ACE: variants seen among roughly 807,000 people sequenced by gnomAD.
ACE encodes angiotensin I converting enzyme.
Under a neutral mutation model 162.3 loss-of-function variants are expected in ACE, and 122 were observed. The ratio of observed to expected loss-of-function variants is 0.75; its 90% CI spans 0.65 to 0.87. The LOEUF is 0.87. Among genes scored for constraint, ACE ranks in the 40% least tolerant of loss-of-function variants. The pLI, the probability that ACE is intolerant of heterozygous loss-of-function variation, is 0.00. For missense variants in ACE, 1,799 were observed against 1,735.1 expected, an observed-to-expected ratio of 1.04 and a Z score of -0.65; for synonymous variants, 796 against 720.6, an observed-to-expected ratio of 1.10 and a Z score of -1.68.
At chr17:63,496,055 T>C in intron 22 of ACE, 2 of 383,822 alleles carry the variant, frequency 5.2e-6, no homozygotes, top group Non-Finnish European at 5.0e-6. Flanking sequence ...TCTACTTGCA[T>C]ATACCCCAGG....
chr17:63,495,753 C>T (rs752048327), intron 22 of ACE, among the ~76,000 whole-genome samples: 10 of 152,206 alleles, frequency 6.6e-5, no homozygotes, highest in Admixed American at 2.6e-4. Context: ...GACTTGGCTG[C>T]TCTAGAAAAA....
chr17:63,486,690 C>T lies in ACE; in HGVS notation c.2192C>T (p.Ala731Val), dbSNP rs1374995262. Residue 731 changes from alanine (A) to valine (V), a missense_variant, in exon 14 of 25, where the codon GCA (alanine) becomes GTA (valine). Physicochemically the swap from Ala to Val is moderately conservative, Grantham distance 64. Transcript: ENST00000290866. ...IKKVQDLERA[A>V]LPAQELEEYN... ...AAGGTTCAGGACCTAGAACGGGCAGCACTGCCTGCCCAGGAGCTGGAGGAG... is the reference window on the plus strand; with the variant it reads ...AAGGTTCAGGACCTAGAACGGGCAGTACTGCCTGCCCAGGAGCTGGAGGAG... 1.3e-5 allele frequency: 21 copies of T among 1,614,110 alleles called. No homozygotes were observed. The African/African-American group carries it at 1.6e-4, about 12-fold the overall frequency.
intron 2 of ACE, 129 bp from the exon 3 acceptor site, chr17:63,478,878 T>C: frequency 1.3e-6 from 1 of 751,790 alleles, no homozygotes; most frequent in Non-Finnish European, 2.3e-6. Flanking sequence ...TGATCAGAAG[T>C]GCCCCGGTGC....
chr17:63,484,755 G>A lies in ACE; in HGVS notation c.1921+214G>A, dbSNP rs2029864292. The A allele has an allele frequency of 1.4e-6, 2 of 1,469,342 alleles. No homozygotes were observed. Among genetic ancestry groups the A allele is most frequent in the Non-Finnish European group, 1.8e-6 (2 of 1,113,108 alleles). 91.0% of individuals were successfully genotyped at this position (1,469,342 alleles called of 1,614,324 possible). On this transcript the variant is annotated intron_variant, in intron 12 of 24. Coordinates refer to ENST00000290866, the MANE Select transcript of ACE (RefSeq NM_000789.4). The surrounding 1 kb of genome is among the most constrained non-coding windows in gnomAD (Gnocchi z 4.0). ...CTAGAGAGGGTGTGCTCAGACCTGA[G>A]GGCCCCTCCCCTTCCAGAGGAAGCC...
chr17:63,478,981 A>G, intron 2 of ACE, 26 bp from the exon 3 acceptor site: 1 of 1,597,080 alleles, frequency 6.3e-7, no homozygotes, highest in Non-Finnish European at 8.6e-7. Flanking sequence ...TGGTCACTGG[A>G]GCATTCCTCC....
chr17:63,479,025 A>C lies in ACE; in HGVS notation c.436A>C (p.Asn146His). The change falls in exon 3 of 25, where the codon AAC becomes CAC. Residue 146 changes from asparagine (N) to histidine (H), a missense_variant. Asn to His is a moderately conservative substitution (Grantham distance 68). Coordinates refer to ENST00000290866, the MANE Select transcript of ACE (RefSeq NM_000789.4). ...TCCCCAGTACAACGCCCTGCTAAGC[A>C]ACATGAGCAGGATCTACTCCACCGC... ...KRQQYNALLS[N>H]MSRIYSTAKV... 1 of 1,613,608 alleles carries C rather than the reference A, an allele frequency of 6.2e-7. No individual in the cohort carries two copies. Among genetic ancestry groups the C allele is most frequent in the Non-Finnish European group, 8.5e-7 (1 of 1,179,850 alleles).
At position 63,479,784 on chromosome 17, in the gene ACE, T is replaced by C. The variant is rs755647501; in HGVS notation, c.527T>C (p.Leu176Pro). ...TGTGTCTCAGATCTCACCAACATCC[T>C]GGCTTCCTCGCGAAGCTACGCCATG... Reference protein sequence around the residue: ...WSLDPDLTNILASSRSYAMLL... With the variant: ...WSLDPDLTNIPASSRSYAMLL... Residue 176 changes from leucine (L) to proline (P), a missense_variant, in exon 4 of 25, where the codon CTG becomes CCG. Leu to Pro is a moderately conservative substitution (Grantham distance 98, BLOSUM62 -3). Transcript: ENST00000290866. 1 of 1,613,390 alleles carries C rather than the reference T, an allele frequency of 6.2e-7. No individual in the cohort carries two copies. The highest frequency in any genetic ancestry group is 1.1e-5 in the South Asian group (1 of 91,092).
Position 63,484,439 on chromosome 17 carries a change from A to C in ACE, c.1819A>C (p.Thr607Pro). The change falls in exon 12 of 25, where the codon ACC (threonine) becomes CCC (proline). Residue 607 changes from threonine to proline, a missense_variant. Thr to Pro is a conservative substitution (Grantham distance 38). Coordinates refer to ENST00000290866, the MANE Select transcript of ACE (RefSeq NM_000789.4). This position sits in a 1 kb window ranked among gnomAD's most constrained non-coding sequence, Gnocchi z 4.0. ...GCTGCTCAAGTACTTCCAGCCAGTC[A>C]CCCAGTGGCTGCAGGAGCAGAACCA... ...QPLLKYFQPVTQWLQEQNQQN... is the reference protein window; with the variant it reads ...QPLLKYFQPVPQWLQEQNQQN... 1 of 1,612,504 alleles carries C rather than the reference A, an allele frequency of 6.2e-7. No homozygotes were observed. Among genetic ancestry groups the C allele is most frequent in the Non-Finnish European group, 8.5e-7 (1 of 1,179,934 alleles).
At position 63,484,627 on chromosome 17, in the gene ACE, C is replaced by T; in HGVS notation, c.1921+86C>T. 6.7e-7 allele frequency: 1 copy of T among 1,492,606 alleles called. No homozygotes were observed. The highest frequency in any genetic ancestry group is 9.0e-7 in the Non-Finnish European group (1 of 1,113,458). 92.5% of individuals were successfully genotyped at this position (1,492,606 alleles called of 1,614,324 possible). Reference sequence around the variant, plus strand: ...CAGGCCCCAGGTTCCTGGTCAGCTCCTACCAGCTGAGCCCTGGTACCCTGT... The same window carrying T: ...CAGGCCCCAGGTTCCTGGTCAGCTCTTACCAGCTGAGCCCTGGTACCCTGT... On this transcript the variant is annotated intron_variant, in intron 12 of 24. Coordinates refer to ENST00000290866, the MANE Select transcript of ACE (RefSeq NM_000789.4). This position sits in a 1 kb window ranked among gnomAD's most constrained non-coding sequence, Gnocchi z 4.0.
chr17:63,488,925 T>C lies in ACE; in HGVS notation c.2450-16T>C. 1 of 1,614,016 alleles carries C rather than the reference T, an allele frequency of 6.2e-7. No homozygotes were observed. The highest frequency in any genetic ancestry group is 2.2e-5 in the East Asian group (1 of 44,870). Reference sequence around the variant, plus strand: ...TAATGTGGTGTTGGGAGAGCCTGGCTGTGTCCCCTCTGTAGGCTATGTAGA... The same window carrying C: ...TAATGTGGTGTTGGGAGAGCCTGGCCGTGTCCCCTCTGTAGGCTATGTAGA... On this transcript the variant is annotated splice_polypyrimidine_tract_variant and intron_variant, in intron 16 of 24. Transcript: ENST00000290866.
chr17:63,494,157 T>C (rs965919790), intron 21 of ACE, 91 bp downstream of exon 21: 6 of 1,020,632 alleles, frequency 5.9e-6, no homozygotes, highest in Admixed American at 2.4e-5. Flanking sequence ...GGTAGGGGAG[T>C]GTGTGTGTGT....
Position 63,485,264 on chromosome 17 carries a change from C to A in ACE, c.1950C>A (p.Ser650Arg). 6.2e-7 allele frequency: 1 copy of A among 1,614,078 alleles called. No individual in the cohort carries two copies. The highest frequency in any genetic ancestry group is 2.2e-5 in the East Asian group (1 of 44,876). ...TGGTGACTGATGAGGCTGAGGCCAG[C>A]AAGTTTGTGGAGGAATATGACCGGA... ...IDLVTDEAEA[S>R]KFVEEYDRTS... Residue 650 changes from serine to arginine, a missense_variant, in exon 13 of 25, where the codon AGC (serine) becomes AGA (arginine). By Grantham distance (110) the Ser-to-Arg change is moderately radical. Coordinates refer to ENST00000290866, the MANE Select transcript of ACE (RefSeq NM_000789.4).
chr17:63,483,138 C>A lies in ACE; in HGVS notation c.1452C>A (p.Pro484=), dbSNP rs758865144. The A allele has an allele frequency of 6.2e-7, 1 of 1,613,998 alleles. No homozygotes were observed. Among genetic ancestry groups the A allele is most frequent in the African/African-American group, 1.3e-5 (1 of 74,932 alleles). The part of the protein sequence containing the change: ...WRWGVFSGRT[P]PSRYNFDWWY... ...GGGGGGTCTTTAGTGGGCGTACCCC[C>A]CCTTCCCGCTACAACTTCGACTGGT... The change falls in exon 9 of 25, where the codon CCC becomes CCA. Residue 484 remains proline, a synonymous_variant. Transcript: ENST00000290866.
At chr17:63,490,789 A>G in intron 17 of ACE, 165 bp from the exon 18 acceptor site, 2 of 703,564 alleles carry the variant, frequency 2.8e-6, no homozygotes, top group Admixed American at 4.0e-5. Context: ...CTGGATATGC[A>G]CACCAAAGAT....
chr17:63,477,232 G>T lies in ACE; in HGVS notation c.138G>T (p.Ala46=). ...ACTTTTCTGCTGACGAGGCCGGGGC[G>T]CAGCTCTTCGCGCAGAGCTACAACT... ...PGNFSADEAG[A]QLFAQSYNSS... is the part of the protein sequence containing the mutation. Residue 46 remains alanine, a synonymous_variant, in exon 1 of 25, where the codon GCG becomes GCT. Transcript: ENST00000290866. The T allele has an allele frequency of 6.7e-7, 1 of 1,502,266 alleles. No individual in the cohort carries two copies. The allele number at this position is 1,502,266 out of a possible 1,614,324, so 93.1% of individuals were successfully genotyped here.
intron 15 of ACE, among the ~76,000 whole-genome samples, chr17:63,487,893 G>A (rs1008170744): frequency 2.0e-5 from 3 of 152,194 alleles, no homozygotes; most frequent in African/African-American, 7.2e-5. Flanking sequence ...GTTTTCCCAG[G>A]ACAGGGTTTG....
chr17:63,488,942 C>A lies in ACE; in HGVS notation c.2451C>A (p.Gly817=). The change falls in exon 17 of 25, where the codon GGC becomes GGA. Residue 817 remains glycine, a splice_region_variant and synonymous_variant. Coordinates refer to ENST00000290866, the MANE Select transcript of ACE (RefSeq NM_000789.4). The part of the protein sequence containing the change: ...ELINQAARLN[G]YVDAGDSWRS... ...AGCCTGGCTGTGTCCCCTCTGTAGG[C>A]TATGTAGATGCAGGGGACTCGTGGA... 1.2e-6 allele frequency: 2 copies of A among 1,614,050 alleles called. No homozygotes were observed. The highest frequency in any genetic ancestry group is 1.7e-6 in the Non-Finnish European group (2 of 1,180,034).
intron 23 of ACE, 51 bp downstream of exon 23, chr17:63,496,567 G>T (rs369780699): frequency 6.8e-5 from 109 of 1,612,472 alleles, no homozygotes; most frequent in Non-Finnish European, 8.9e-5. Context: ...CTGCGCCCCT[G>T]GGCCTTGAGG....
chr17:63,482,386 G>A, intron 7 of ACE, 80 bp from the exon 8 acceptor site: 1 of 1,304,066 alleles, frequency 7.7e-7, no homozygotes. Flanking sequence ...CTGTCTTTCA[G>A]GTGCCAATCT....
Sources: allele counts gnomAD v4.1 joint callset (sites outside exome capture counted in the v4.1 genomes callset), GRCh38; gene constraint gnomAD v4.1.1; non-coding constraint Gnocchi (gnomAD v3.1); transcripts MANE v1.5; gene names NCBI Gene and HGNC (gene_info 2026-07-23, HGNC 2026-07-21).